ZNF536: variants seen among roughly 807,000 people sequenced by gnomAD.
ZNF536 encodes zinc finger protein 536.
Under a neutral mutation model 84.5 loss-of-function variants are expected in ZNF536, and 13 were observed. The ratio of observed to expected loss-of-function variants is 0.15; its 90% CI spans 0.10 to 0.24. The LOEUF (loss-of-function observed/expected upper bound fraction) is 0.24. ZNF536 is among the 10% of genes least tolerant of loss of function. The pLI is 1.00. For synonymous variants in ZNF536, 811 were observed against 742.5 expected (o/e 1.09, Z -1.50); for missense variants, 1,536 against 1,747.5 (o/e 0.88, Z 2.16).
In ZNF536 at chr19:30,311,815, T is replaced by A. The variant is rs887900835; in HGVS notation, c.-120+27674T>A. Among the ~76,000 whole-genome samples the A allele has an allele frequency of 4.6e-5, 7 of 152,272 alleles. No individual in the cohort carries two copies. The East Asian group carries it at 1.4e-3, about 29-fold the overall frequency. On this transcript the variant is annotated intron_variant, in intron 2 of 5. Transcript: ENST00000585628. The stretch of plus-strand genomic sequence containing the variant: ...TAAGCGTGGTGGCTCACACCTGTAT[T>A]CCCAGTGCTTTGGGAGGCCAAGGCA...
At chr19:30,484,949 C>G (rs1011051197) in intron 2 of ZNF536, among the ~76,000 whole-genome samples, 1 of 151,994 alleles carries the variant, frequency 6.6e-6, no homozygotes, top group Non-Finnish European at 1.5e-5. Context: ...CAAGACCATC[C>G]TGGCTAACAT....
chr19:30,527,219 CTTTTTTTTT>C (rs56404227), intron 2 of ZNF536, among the ~76,000 whole-genome samples: 13 of 106,170 alleles, frequency 1.2e-4, no homozygotes, highest in Non-Finnish European at 2.0e-4. Flanking sequence ...ACCCAGCCTC[CTTTTTTTTT>C]TTTTTTTTTT....
At chr19:30,390,987 G>A (rs1248710595) in intron 1 of ZNF536, among the ~76,000 whole-genome samples, 1 of 152,218 alleles carries the variant, frequency 6.6e-6, no homozygotes, top group Non-Finnish European at 1.5e-5. Context: ...AGTGCTGGCA[G>A]CATTAATATT....
chr19:30,248,642 A>G (rs2024432161), intron 1 of ZNF536, among the ~76,000 whole-genome samples: 1 of 152,074 alleles, frequency 6.6e-6, no homozygotes, highest in Non-Finnish European at 1.5e-5. Flanking sequence ...CTAACCTTTT[A>G]TCTTATGAAC....
intron 1 of ZNF536, among the ~76,000 whole-genome samples, chr19:30,679,799 T>G (rs1312682254): frequency 6.6e-6 from 1 of 152,244 alleles, no homozygotes; most frequent in Non-Finnish European, 1.5e-5. Context: ...TGTTTCTGGC[T>G]TCTCTGGAAA....
intron 1 of ZNF536, among the ~76,000 whole-genome samples, chr19:30,590,558 C>T (rs1431652711): frequency 6.6e-6 from 1 of 152,182 alleles, no homozygotes; most frequent in Admixed American, 6.5e-5. Flanking sequence ...TGGATTTTAA[C>T]CTCTTTTTTC....
downstream of ZNF536, among the ~76,000 whole-genome samples, chr19:30,559,206 C>T (rs1448002160): frequency 2.0e-5 from 3 of 152,176 alleles, no homozygotes; most frequent in Non-Finnish European, 4.4e-5. Context: ...TGGTCAGTGC[C>T]CACGACTGTT....
chr19:30,304,285 G>A (rs1301799045), intron 2 of ZNF536, among the ~76,000 whole-genome samples: 1 of 152,186 alleles, frequency 6.6e-6, no homozygotes, highest in East Asian at 1.9e-4. Flanking sequence ...CGGCGCAGAC[G>A]AAGGCCAGTT....
At chr19:30,279,539 G>A (rs565272214) in intron 1 of ZNF536, among the ~76,000 whole-genome samples, 3 of 152,284 alleles carry the variant, frequency 2.0e-5, no homozygotes, top group Admixed American at 6.5e-5. Flanking sequence ...TTCCAGATCC[G>A]GTTGGAGGAG....
chr19:30,349,326 T>C (rs956581848), intron 2 of ZNF536, among the ~76,000 whole-genome samples: 5 of 152,272 alleles, frequency 3.3e-5, no homozygotes, highest in African/African-American at 1.2e-4. Flanking sequence ...GTTCCAGATG[T>C]TTATGGCCTT....
chr19:30,621,477 TTC>T (rs1166062278), intron 1 of ZNF536, among the ~76,000 whole-genome samples: 1 of 152,152 alleles, frequency 6.6e-6, no homozygotes, highest in Non-Finnish European at 1.5e-5. Context: ...CATCCTTTTT[TTC>T]TCTCCAGACT....
chr19:30,452,698 C>T (rs1371302616), intron 2 of ZNF536, among the ~76,000 whole-genome samples: 2 of 152,110 alleles, frequency 1.3e-5, no homozygotes, highest in African/African-American at 4.8e-5. Context: ...GCATTGATGG[C>T]AGGGGTGGAG....
intron 1 of ZNF536, among the ~76,000 whole-genome samples, chr19:30,231,767 C>T (rs1201884552): frequency 1.3e-5 from 2 of 151,946 alleles, no homozygotes; most frequent in Non-Finnish European, 2.9e-5. Flanking sequence ...CAGGGAGTGG[C>T]CCCCTAGGTT....
chr19:30,252,036 A>G (rs2024639733), intron 1 of ZNF536, among the ~76,000 whole-genome samples: 1 of 152,206 alleles, frequency 6.6e-6, no homozygotes, highest in Admixed American at 6.5e-5. Flanking sequence ...AATCCTCACA[A>G]TCTATACATC....
chr19:30,452,290 C>A (rs967108090), intron 2 of ZNF536, among the ~76,000 whole-genome samples: 1 of 152,264 alleles, frequency 6.6e-6, no homozygotes, highest in African/African-American at 2.4e-5. Flanking sequence ...GCCCAGATCC[C>A]TTCACTGCCA....
chr19:30,402,656 C>T (rs574122589), intron 1 of ZNF536, among the ~76,000 whole-genome samples: 4 of 151,676 alleles, frequency 2.6e-5, no homozygotes, highest in Admixed American at 6.6e-5. Context: ...GCTTGCAAAC[C>T]GCGGCCGACG....
At chr19:30,324,811 C>G (rs2046970298) in intron 2 of ZNF536, among the ~76,000 whole-genome samples, 2 of 152,198 alleles carry the variant, frequency 1.3e-5, no homozygotes, top group South Asian at 4.1e-4. Context: ...AGCCGATCTC[C>G]CCTGATATTT....
intron 3 of ZNF536, among the ~76,000 whole-genome samples, chr19:30,545,087 C>T (rs1314516591): frequency 6.6e-6 from 1 of 152,178 alleles, no homozygotes; most frequent in Non-Finnish European, 1.5e-5. Context: ...GGGAAAGTCC[C>T]GAAAGATCCC....
In ZNF536 at chr19:30,435,286, A is replaced by G. The variant is rs1227681518; in HGVS notation, c.-2-8275A>G. ...TGATGGTGATGATGACGGTGATGATAATGGTGATGGTGGTGATGCTGATGC... is the reference window on the plus strand; with the variant it reads ...TGATGGTGATGATGACGGTGATGATGATGGTGATGGTGGTGATGCTGATGC... On this transcript the variant is annotated intron_variant, in intron 1 of 4. Coordinates refer to ENST00000355537, the MANE Select transcript of ZNF536 (RefSeq NM_014717.3). Among the ~76,000 whole-genome samples, 245 of 70,930 alleles carry G rather than the reference A, an allele frequency of 3.5e-3. No homozygotes were observed. In the Middle Eastern group the frequency reaches 0.042, roughly 12 times the overall value. The allele number at this position is 70,930 out of a possible 152,430, so 46.5% of individuals were successfully genotyped here.
Sources: gnomAD v4.1 joint callset for allele counts (sites outside exome capture counted in the v4.1 genomes callset) on GRCh38, gnomAD v4.1.1 for gene constraint, MANE v1.5 for transcripts, NCBI Gene and HGNC (gene_info 2026-07-23, HGNC 2026-07-21) for gene names.